The following LONRF3 variants were observed in gnomAD, a reference collection of about 807,000 sequenced individuals.
LONRF3 encodes the protein LON peptidase N-terminal domain and RING finger protein 3.
LONRF3 carries 19 observed loss-of-function variants against 51.7 expected under a neutral mutation model. The ratio of observed to expected loss-of-function variants is 0.37; its 90% CI spans 0.26 to 0.54. LONRF3 has a LOEUF of 0.54. Among genes scored for constraint, LONRF3 ranks in the 20% least tolerant of loss-of-function variants. The pLI is 0.86. For missense variants in LONRF3, 521 were observed against 623.9 expected (o/e 0.84, Z 1.76); for synonymous variants, 265 against 257.8 (o/e 1.03, Z -0.27).
Position 118,987,026 on chromosome X carries a change from C to T in LONRF3, c.1060-2382C>T, listed in dbSNP as rs752216279. ...CACCTCACCCTAGATTAAAGGAAAA[C>T]GTAGAGTCAATGACTACTGAAGTTA... On this transcript the variant is annotated intron_variant, in intron 3 of 10. Coordinates refer to ENST00000371628, the MANE Select transcript of LONRF3 (RefSeq NM_001031855.3). 1.0e-3 allele frequency: 1,167 copies of T among 1,150,909 alleles called. 1 individual carries two copies. Among genetic ancestry groups the T allele is most frequent in the Non-Finnish European group, 1.2e-3 (1,055 of 870,044 alleles). The allele number at this position is 1,150,909 out of a possible 1,213,427, so 94.8% of individuals were successfully genotyped here. A position where few individuals can be genotyped will look rare whatever the true frequency, so the allele number is the denominator to read the frequency against.
intron 5 of LONRF3, among the ~76,000 whole-genome samples, chrX:118,995,543 G>A (rs1254139830): frequency 1.8e-5 from 2 of 111,706 alleles, no homozygotes; most frequent in Non-Finnish European, 1.9e-5. Flanking sequence ...AAAGATAAAT[G>A]AAACAAAAAA....
chrX:119,011,426 C>G (rs1007441200), intron 7 of LONRF3, among the ~76,000 whole-genome samples: 11 of 111,621 alleles, frequency 9.9e-5, no homozygotes, highest in Non-Finnish European at 1.5e-4. Context: ...GCAACCTTCC[C>G]CATGCAGCCT....
At chrX:118,980,087 A>G (rs770466634) in intron 2 of LONRF3, among the ~76,000 whole-genome samples, 1 of 112,239 alleles carries the variant, frequency 8.9e-6, no homozygotes. Flanking sequence ...GTCAAAAGTG[A>G]ACGTGGCCAA....
chrX:118,991,617 T>A (rs1176720625), intron 5 of LONRF3, among the ~76,000 whole-genome samples: 1 of 112,177 alleles, frequency 8.9e-6, no homozygotes, highest in Non-Finnish European at 1.9e-5. Context: ...CACAATTTTT[T>A]AAAATTGCTT....
At chrX:118,982,672 A>T in intron 2 of LONRF3, 149 bp from the exon 3 acceptor site, 1 of 724,243 alleles carries the variant, frequency 1.4e-6, no homozygotes, top group Non-Finnish European at 2.1e-6. Context: ...TAATGGCATT[A>T]GAACAGTTGC....
At chrX:119,010,683 G>C (rs1375860471) in intron 7 of LONRF3, among the ~76,000 whole-genome samples, 1 of 111,113 alleles carries the variant, frequency 9.0e-6, no homozygotes, top group Non-Finnish European at 1.9e-5. Context: ...TGGGCAGTTG[G>C]TCTTATATTT....
intron 3 of LONRF3, among the ~76,000 whole-genome samples, chrX:118,987,445 G>GTTTTTGTTTT: frequency 3.1e-5 from 1 of 32,304 alleles, no homozygotes; most frequent in Admixed American, 5.6e-4. Flanking sequence ...GCCTGGCTAA[G>GTTTTTGTTTT]TTTTTTTTTT....
chrX:118,997,432 A>G (rs925231785), intron 5 of LONRF3, among the ~76,000 whole-genome samples: 3 of 112,568 alleles, frequency 2.7e-5, no homozygotes, highest in African/African-American at 9.7e-5. Context: ...TAGGAGAATG[A>G]AACTGAATCC....
In LONRF3 at chrX:118,978,341, A is replaced by G. The variant is rs111448262; in HGVS notation, c.818-4A>G. 1.3e-4 allele frequency: 154 copies of G among 1,175,872 alleles called. 1 individual carries two copies. In the African/African-American group the frequency reaches 1.6e-3, roughly 13 times the overall value. On this transcript the variant is annotated splice_polypyrimidine_tract_variant and splice_region_variant and intron_variant, in intron 1 of 10. Coordinates refer to ENST00000371628, the MANE Select transcript of LONRF3 (RefSeq NM_001031855.3). Reference sequence around the variant, plus strand: ...ATAAAGGTTTTTCTTTCTTATTTTGACAGCTCCAAATGACCACTTGCTTTA... The same window carrying G: ...ATAAAGGTTTTTCTTTCTTATTTTGGCAGCTCCAAATGACCACTTGCTTTA...
intron 9 of LONRF3, 58 bp from the exon 10 acceptor site, chrX:119,014,149 G>A (rs1294637392): frequency 2.7e-6 from 3 of 1,128,036 alleles, no homozygotes; most frequent in Non-Finnish European, 3.6e-6. Flanking sequence ...TGTCAAAAGT[G>A]ACTCTGGGAA....
intron 5 of LONRF3, among the ~76,000 whole-genome samples, chrX:118,997,252 T>C (rs1267881945): frequency 8.9e-6 from 1 of 112,082 alleles, no homozygotes; most frequent in Admixed American, 9.4e-5. Flanking sequence ...CAAAACAGCA[T>C]GGTACTCGTA....
At chrX:119,004,273 A>C (rs1924549583) in intron 5 of LONRF3, among the ~76,000 whole-genome samples, 1 of 112,215 alleles carries the variant, frequency 8.9e-6, no homozygotes, top group South Asian at 3.7e-4. Flanking sequence ...CAGAATCATA[A>C]AATTCAAAAA....
intron 3 of LONRF3, among the ~76,000 whole-genome samples, chrX:118,986,237 G>A (rs1329800356): frequency 1.8e-5 from 2 of 111,733 alleles, no homozygotes; most frequent in Non-Finnish European, 3.8e-5. Context: ...ACCTCCTTGC[G>A]CCTAGTACTT....
chrX:119,016,548 C>T (rs961572950), intron 10 of LONRF3, among the ~76,000 whole-genome samples: 37 of 110,627 alleles, frequency 3.3e-4, no homozygotes, highest in Admixed American at 1.3e-3. Context: ...GGGGTTTCGT[C>T]GTGTTAGCCA....
At chrX:118,981,206 C>T (rs763793672) in intron 2 of LONRF3, among the ~76,000 whole-genome samples, 1 of 110,380 alleles carries the variant, frequency 9.1e-6, no homozygotes, top group Admixed American at 9.6e-5. Flanking sequence ...ATGGGTTGGC[C>T]GGGCATGGTG....
intron 3 of LONRF3, among the ~76,000 whole-genome samples, chrX:118,983,719 C>T (rs1304224756): frequency 8.9e-6 from 1 of 112,124 alleles, no homozygotes; most frequent in Non-Finnish European, 1.9e-5. Context: ...TCTCCTTGTG[C>T]CCCACCCACT....
chrX:118,974,703 C>T lies in LONRF3; in HGVS notation c.-78C>T. On this transcript the variant is annotated 5_prime_UTR_variant, in exon 1 of 11. Transcript: ENST00000371628. ...GGTGGCATGGCGGCGGTGGCTGCCCCGATTTCCTCCAGCTGCCACTCCTTG... is the reference window on the plus strand; with the variant it reads ...GGTGGCATGGCGGCGGTGGCTGCCCTGATTTCCTCCAGCTGCCACTCCTTG... 1 of 930,153 alleles carries T rather than the reference C, an allele frequency of 1.1e-6. No individual in the cohort carries two copies. The highest frequency in any genetic ancestry group is 2.5e-5 in the South Asian group (1 of 39,763). The allele number at this position is 930,153 out of a possible 1,213,427, so 76.7% of individuals were successfully genotyped here.
intron 6 of LONRF3, among the ~76,000 whole-genome samples, chrX:119,007,379 A>G (rs1924808130): frequency 1.8e-5 from 2 of 111,916 alleles, no homozygotes; most frequent in Admixed American, 9.5e-5. Flanking sequence ...TGTACCTGGA[A>G]GCCCTAGAGC....
intron 3 of LONRF3, among the ~76,000 whole-genome samples, chrX:118,986,144 C>T (rs1157501319): frequency 9.1e-6 from 1 of 109,551 alleles, no homozygotes; most frequent in Non-Finnish European, 1.9e-5. Flanking sequence ...AGAATGTGGA[C>T]AGTGAATGGT....
Sources: gnomAD v4.1 joint callset for allele counts (sites outside exome capture counted in the v4.1 genomes callset) on GRCh38, gnomAD v4.1.1 for gene constraint, MANE v1.5 for transcripts, NCBI Gene and HGNC (gene_info 2026-07-23, HGNC 2026-07-21) for gene names.